Variants in ABCD3 observed in about 807,000 individuals in gnomAD.
The protein encoded by ABCD3 is ATP binding cassette subfamily D member 3.
Under a neutral mutation model 105.5 loss-of-function variants are expected in ABCD3, and 41 were observed. The ratio of observed to expected loss-of-function variants is 0.39; its 90% CI spans 0.30 to 0.50. The LOEUF is 0.50. Among genes scored for constraint, ABCD3 ranks in the 20% least tolerant of loss-of-function variants. The pLI, the probability that ABCD3 is intolerant of heterozygous loss-of-function variation, is 0.84. For synonymous variants in ABCD3, 258 were observed against 269.0 expected, an observed-to-expected ratio of 0.96 and a Z score of 0.40; for missense variants, 622 against 806.3, an observed-to-expected ratio of 0.77 and a Z score of 2.77.
At chr1:94,406,345 T>G in the ABCD3 span, 632 of 217,124 alleles carry the variant, frequency 2.9e-3, 7 homozygotes, top group African/African-American at 0.011. Context: ...GTTTTGTTTT[T>G]TTTTTTTTTT....
intron 1 of ABCD3, among the ~76,000 whole-genome samples, chr1:94,435,051 T>G (rs1659848165): frequency 6.6e-6 from 1 of 152,196 alleles, no homozygotes; most frequent in South Asian, 2.1e-4. Context: ...TTACAGTTTA[T>G]TCCCTGAAGC....
At chr1:94,493,718 A>G (rs935229285) in intron 16 of ABCD3, among the ~76,000 whole-genome samples, 22 of 152,240 alleles carry the variant, frequency 1.4e-4, no homozygotes, top group Non-Finnish European at 1.8e-4. Flanking sequence ...GATAGACTGG[A>G]TAAAGAAAAT....
At chr1:94,409,316 A>T in the ABCD3 span, among the ~76,000 whole-genome samples, 1 of 152,236 alleles carries the variant, frequency 6.6e-6, no homozygotes, top group African/African-American at 2.4e-5. Context: ...CTTGTATCAA[A>T]ATATCTCATG....
chr1:94,401,827 T>A, the ABCD3 span, among the ~76,000 whole-genome samples: 2 of 152,210 alleles, frequency 1.3e-5, no homozygotes, highest in Non-Finnish European at 2.9e-5. Context: ...ATGATTTACA[T>A]GCTATAAAAG....
chr1:94,504,223 T>TA (rs750238994), intron 20 of ABCD3, among the ~76,000 whole-genome samples: 29 of 151,866 alleles, frequency 1.9e-4, no homozygotes, highest in Non-Finnish European at 3.7e-4. Flanking sequence ...GTACAAGCAA[T>TA]TCTTGTTCCT....
At chr1:94,476,911 G>A (rs1439017635) in intron 7 of ABCD3, among the ~76,000 whole-genome samples, 1 of 151,980 alleles carries the variant, frequency 6.6e-6, no homozygotes, top group African/African-American at 2.4e-5. Flanking sequence ...GTCTCTGTGT[G>A]TGTATGTGTG....
chr1:94,471,499 CAAA>C (rs76947633), intron 4 of ABCD3, among the ~76,000 whole-genome samples: 4 of 78,060 alleles, frequency 5.1e-5, no homozygotes, highest in Non-Finnish European at 5.5e-5. Context: ...TCCTGTCTCA[CAAA>C]AAAAAAAAAA....
At chr1:94,515,690 G>T (rs564584824) in intron 22 of ABCD3, among the ~76,000 whole-genome samples, 5 of 151,968 alleles carry the variant, frequency 3.3e-5, no homozygotes, top group Non-Finnish European at 7.4e-5. Flanking sequence ...GGCTTACATT[G>T]GTGCACGTGT....
At chr1:94,491,457 T>C (rs1236741384) in intron 16 of ABCD3, among the ~76,000 whole-genome samples, 1 of 152,078 alleles carries the variant, frequency 6.6e-6, no homozygotes, top group Non-Finnish European at 1.5e-5. Flanking sequence ...CCAAAAAACT[T>C]TTTGCAAATG....
chr1:94,491,243 T>G lies in ABCD3; in HGVS notation c.1382T>G (p.Phe461Cys). The change falls in exon 16 of 23, where the codon TTT becomes TGT. Residue 461 changes from phenylalanine to cysteine, a missense_variant. Coordinates refer to ENST00000370214, the MANE Select transcript of ABCD3 (RefSeq NM_002858.4). ...GATGTTTTGATCCGAGACCTTAATT[T>G]TGAAGTAAGTTTTTAAATGATCATA... ...NGDVLIRDLN[F>C]EVRSGANVLI... 2 of 1,609,396 alleles carry G rather than the reference T, an allele frequency of 1.2e-6. No homozygotes were observed. Among genetic ancestry groups the G allele is most frequent in the Non-Finnish European group, 8.5e-7 (1 of 1,176,212 alleles).
At chr1:94,455,461 G>GA (rs1333749354) in intron 1 of ABCD3, among the ~76,000 whole-genome samples, 1 of 151,972 alleles carries the variant, frequency 6.6e-6, no homozygotes, top group African/African-American at 2.4e-5. Flanking sequence ...GAGTAGCTGG[G>GA]ATTACAGGCA....
At chr1:94,456,775 A>T (rs375379146) in intron 1 of ABCD3, among the ~76,000 whole-genome samples, 115 of 152,218 alleles carry the variant, frequency 7.6e-4, no homozygotes, top group African/African-American at 2.3e-3. Flanking sequence ...AGAAGTGGGA[A>T]TGCTGGATCA....
At chr1:94,426,633 C>T (rs901441064) in intron 1 of ABCD3, among the ~76,000 whole-genome samples, 1 of 151,828 alleles carries the variant, frequency 6.6e-6, no homozygotes, top group African/African-American at 2.4e-5. Context: ...ACCTCCGACT[C>T]CCGGGTTCAA....
the ABCD3 span, among the ~76,000 whole-genome samples, chr1:94,409,993 G>C: frequency 6.6e-6 from 1 of 152,156 alleles, no homozygotes; most frequent in East Asian, 1.9e-4. Flanking sequence ...TGGTTGACTG[G>C]ATATACAGAT....
At chr1:94,393,602 G>GAACTC in the ABCD3 span, among the ~76,000 whole-genome samples, 1 of 151,964 alleles carries the variant, frequency 6.6e-6, no homozygotes, top group Non-Finnish European at 1.5e-5. Flanking sequence ...TCATGCCACT[G>GAACTC]CACTCCACCC....
chr1:94,463,960 C>T (rs1570777754), intron 2 of ABCD3, among the ~76,000 whole-genome samples: 2 of 152,178 alleles, frequency 1.3e-5, no homozygotes, highest in African/African-American at 2.4e-5. Context: ...TTTTTGTGCT[C>T]GTTGTTCCTT....
Position 94,437,146 on chromosome 1 carries a change from A to G in ABCD3, c.110+18558A>G, listed in dbSNP as rs150738290. Among the ~76,000 whole-genome samples the G allele has an allele frequency of 5.7e-3, 861 of 152,370 alleles. 9 individuals carry two copies. The highest frequency in any genetic ancestry group is 0.019 in the African/African-American group (811 of 41,594). Reference sequence around the variant, plus strand: ...CAGCAAGTACTGATGTGGAAGCTACAGCAAGTTATCCAGAAGATCTAGCTA... The same window carrying G: ...CAGCAAGTACTGATGTGGAAGCTACGGCAAGTTATCCAGAAGATCTAGCTA... On this transcript the variant is annotated intron_variant, in intron 1 of 22. Transcript: ENST00000370214.
chr1:94,474,724 G>GT (rs4148070), intron 5 of ABCD3, among the ~76,000 whole-genome samples: 55,115 of 146,396 alleles, frequency 0.38, 11,367 homozygotes, highest in Middle Eastern at 0.55. Flanking sequence ...AACCTGTAGT[G>GT]TTTTTTTTTT....
At chr1:94,426,921 C>A (rs1017060545) in intron 1 of ABCD3, among the ~76,000 whole-genome samples, 9 of 143,572 alleles carry the variant, frequency 6.3e-5, no homozygotes, top group Non-Finnish European at 1.2e-4. Context: ...CACATTACTT[C>A]TTCCCTCTGA....
Sources: allele counts gnomAD v4.1 joint callset (sites outside exome capture counted in the v4.1 genomes callset), GRCh38; gene constraint gnomAD v4.1.1; transcripts MANE v1.5; gene names NCBI Gene and HGNC (gene_info 2026-07-23, HGNC 2026-07-21).